Variants in SVIL observed in about 807,000 individuals in gnomAD.
SVIL encodes the protein archvillin.
A neutral mutation model predicts 240.4 loss-of-function variants in SVIL; 101 were observed. The ratio of observed to expected loss-of-function variants is 0.42; its 90% CI spans 0.36 to 0.50. SVIL has a LOEUF of 0.50. Among genes scored for constraint, SVIL ranks in the 20% least tolerant of loss-of-function variants. The pLI is 0.01. For synonymous variants in SVIL, 999 were observed against 1,100.0 expected (o/e 0.91, Z 1.82); for missense variants, 2,512 against 2,818.7 (o/e 0.89, Z 2.46).
intron 3 of SVIL, among the ~76,000 whole-genome samples, chr10:29,557,549 T>C (rs1356315583): frequency 1.3e-5 from 2 of 152,184 alleles, no homozygotes; most frequent in Non-Finnish European, 2.9e-5. Context: ...TTTCATTTCA[T>C]CCAAATTTTA....
intron 1 of SVIL, among the ~76,000 whole-genome samples, chr10:29,611,397 T>C (rs1363480698): frequency 1.3e-5 from 2 of 151,478 alleles, no homozygotes; most frequent in Non-Finnish European, 2.9e-5. Flanking sequence ...GGGACCGAGG[T>C]GGGGGGACTG....
chr10:29,512,707 AGGCTTTTCCTAACATGGGGAAT>A lies in SVIL; in HGVS notation c.3516+6_3516+27del, dbSNP rs1233222337. 1 of 1,614,128 alleles carries A rather than the reference AGGCTTTTCCTAACATGGGGAAT, an allele frequency of 6.2e-7. No individual in the cohort carries two copies. Among genetic ancestry groups the A allele is most frequent in the East Asian group, 2.2e-5 (1 of 44,886 alleles). On this transcript the variant is annotated splice_donor_region_variant and intron_variant, in intron 17 of 37. Transcript: ENST00000355867. ...ACTTCCAAGAGTGATGTTAGTCGGA[AGGCTTTTCCTAACATGGGGAAT>A]GTTACCTTCTTGATGAGGGACCGCC... is the stretch of plus-strand genomic sequence containing the variant.
intron 31 of SVIL, among the ~76,000 whole-genome samples, chr10:29,470,686 G>A (rs1280556418): frequency 6.6e-6 from 1 of 152,164 alleles, no homozygotes; most frequent in Non-Finnish European, 1.5e-5. Context: ...CCTAAAAAGT[G>A]GGTTCTTACA....
chr10:29,586,701 T>C (rs1396936478), intron 1 of SVIL, among the ~76,000 whole-genome samples: 4 of 152,308 alleles, frequency 2.6e-5, no homozygotes, highest in African/African-American at 9.6e-5. Context: ...TATGGAATAC[T>C]ACGCAGCCAT....
intron 25 of SVIL, 72 bp downstream of exon 25, chr10:29,486,315 AAAATTTTATTTACAATGTAAAAT>A (rs1359102664): frequency 6.3e-7 from 1 of 1,592,358 alleles, no homozygotes; most frequent in Non-Finnish European, 8.6e-7. Context: ...TTCACATTGT[AAAATTTTATTTACAATGTAAAAT>A]AGAAGAATGA....
At position 29,532,730 on chromosome 10, in the gene SVIL, C is replaced by T. The variant is rs535594629; in HGVS notation, c.1637G>A (p.Arg546His). Reference protein sequence around the residue: ...EASKKRKVRTRSLSDFTGPPQ... With the variant: ...EASKKRKVRTHSLSDFTGPPQ... The stretch of plus-strand genomic sequence containing the variant: ...GGGGCCTGTGAAATCTGACAGAGAG[C>T]GGGTACGGACCTTGCGCTTTTTCGA... The change falls in exon 8 of 38, where the codon CGC (arginine) becomes CAC (histidine). Residue 546 changes from arginine (R) to histidine (H), a missense_variant. Physicochemically the swap from Arg to His is conservative, Grantham distance 29 (BLOSUM62 0). This residue lies in a region of SVIL where 1,443 missense variants were observed against 1,486.6 expected (regional missense o/e 0.97). Coordinates refer to ENST00000355867, the MANE Select transcript of SVIL (RefSeq NM_021738.3). The T allele has an allele frequency of 3.9e-5, 63 of 1,614,162 alleles. No individual in the cohort carries two copies. Among genetic ancestry groups the T allele is most frequent in the East Asian group, 4.5e-5 (2 of 44,874 alleles).
chr10:29,625,245 A>G (rs1039243146), intron 1 of SVIL, among the ~76,000 whole-genome samples: 8 of 152,314 alleles, frequency 5.3e-5, no homozygotes, highest in Admixed American at 2.6e-4. Flanking sequence ...TAAGTTTAAT[A>G]AAGTTCTGAG....
At chr10:29,537,547 T>C (rs1157338417) in intron 6 of SVIL, among the ~76,000 whole-genome samples, 2 of 152,010 alleles carry the variant, frequency 1.3e-5, no homozygotes, top group African/African-American at 2.4e-5. Context: ...TCTTACAATG[T>C]AGAAAGAAAA....
At chr10:29,578,411 G>T (rs1005975106) in intron 1 of SVIL, among the ~76,000 whole-genome samples, 30 of 152,144 alleles carry the variant, frequency 2.0e-4, no homozygotes, top group Admixed American at 6.5e-5. Context: ...GGCGCCTATG[G>T]CTCAAAATCA....
chr10:29,724,602 T>C (rs982080283), intron 1 of SVIL, among the ~76,000 whole-genome samples: 2 of 152,220 alleles, frequency 1.3e-5, no homozygotes, highest in South Asian at 2.1e-4. Flanking sequence ...CAAAGTCTAA[T>C]ACCGAATTCA....
At chr10:29,536,703 A>C (rs967284202) in intron 6 of SVIL, among the ~76,000 whole-genome samples, 9 of 152,232 alleles carry the variant, frequency 5.9e-5, no homozygotes, top group African/African-American at 2.2e-4. Flanking sequence ...TGAGGTTAGG[A>C]GTCCAAGACC....
intron 13 of SVIL, among the ~76,000 whole-genome samples, chr10:29,525,062 G>A (rs938123299): frequency 3.9e-5 from 6 of 152,186 alleles, no homozygotes; most frequent in Non-Finnish European, 8.8e-5. Flanking sequence ...GAGTCACAAA[G>A]TATTACCTAC....
intron 2 of SVIL, among the ~76,000 whole-genome samples, chr10:29,674,999 G>C (rs190653108): frequency 6.6e-6 from 1 of 152,284 alleles, no homozygotes; most frequent in Admixed American, 6.5e-5. Context: ...CCATCTCAAG[G>C]ACAGCTGACT....
At chr10:29,724,486 C>A (rs576578042) in intron 1 of SVIL, among the ~76,000 whole-genome samples, 1 of 151,788 alleles carries the variant, frequency 6.6e-6, no homozygotes, top group South Asian at 2.1e-4. Flanking sequence ...TATGATTTTT[C>A]TTTTTCCTGG....
intron 21 of SVIL, among the ~76,000 whole-genome samples, chr10:29,492,333 G>T (rs1252114454): frequency 1.3e-5 from 2 of 152,092 alleles, no homozygotes; most frequent in African/African-American, 4.8e-5. Context: ...GCTGGCCAGG[G>T]AGGCAGCCTT....
At chr10:29,724,158 C>T (rs1046661214) in intron 1 of SVIL, among the ~76,000 whole-genome samples, 34 of 140,580 alleles carry the variant, frequency 2.4e-4, no homozygotes, top group African/African-American at 8.8e-4. Context: ...CTTGCAGTTT[C>T]TTCTGAGTTT....
upstream of SVIL, among the ~76,000 whole-genome samples, chr10:29,635,946 A>C (rs1210231912): frequency 1.3e-5 from 2 of 152,184 alleles, no homozygotes; most frequent in Non-Finnish European, 2.9e-5. Context: ...GAGGCCTCTC[A>C]AAGCAGGATC....
chr10:29,724,851 G>A (rs1365173328), intron 1 of SVIL, among the ~76,000 whole-genome samples: 1 of 151,688 alleles, frequency 6.6e-6, no homozygotes, highest in Non-Finnish European at 1.5e-5. Flanking sequence ...GTGAAACCCC[G>A]TCTCCACCAA....
intron 2 of SVIL, among the ~76,000 whole-genome samples, chr10:29,662,438 G>A (rs960762066): frequency 6.6e-6 from 1 of 152,136 alleles, no homozygotes; most frequent in Non-Finnish European, 1.5e-5. Context: ...ATTGTTATTT[G>A]AACATTTGTA....
Sources: allele counts gnomAD v4.1 joint callset (sites outside exome capture counted in the v4.1 genomes callset), GRCh38; gene constraint gnomAD v4.1.1; regional missense constraint gnomAD v4.1.1; transcripts MANE v1.5; gene names NCBI Gene and HGNC (gene_info 2026-07-23, HGNC 2026-07-21).